GINS2: variants seen among roughly 807,000 people sequenced by gnomAD.
The protein encoded by GINS2 is DNA replication complex GINS protein PSF2.
A neutral mutation model predicts 21.2 loss-of-function variants in GINS2; 23 were observed. That is an observed-to-expected ratio of 1.08 (90% confidence interval 0.78 to 1.53). The LOEUF (loss-of-function observed/expected upper bound fraction) is 1.53. GINS2 is among the 40% of genes most tolerant of loss of function. The pLI is 0.00. For synonymous variants in GINS2, 118 were observed against 85.6 expected (o/e 1.38, Z -2.09); for missense variants, 323 against 233.9 (o/e 1.38, Z -2.49).
rs748666480 is a variant in GINS2, at chr16:85,678,650, G to A, written c.322C>T (p.Pro108Ser). The A allele has an allele frequency of 5.6e-6, 9 of 1,613,648 alleles. No homozygotes were observed. The South Asian group carries it at 7.7e-5, about 14-fold the overall frequency. The change falls in exon 4 of 5, where the codon CCG becomes TCG. Residue 108 changes from proline (P) to serine (S), a missense_variant. Pro to Ser is a moderately conservative substitution (Grantham distance 74). Transcript: ENST00000253462. ...LLLNHASDNIPKADEIRTLVK... is the reference protein window; with the variant it reads ...LLLNHASDNISKADEIRTLVK... ...AGGGTCCGGATTTCGTCTGCCTTCG[G>A]GATGTTGTCTGAAGCACTAAAGGAG...
intron 2 of GINS2, among the ~76,000 whole-genome samples, chr16:85,685,936 A>T (rs1045431056): frequency 3.3e-5 from 5 of 151,794 alleles, no homozygotes; most frequent in Non-Finnish European, 5.9e-5. Context: ...AAAAAAAAAA[A>T]TCACTCAGGG....
intron 4 of GINS2, 51 bp from the exon 5 acceptor site, chr16:85,678,388 A>G: frequency 1.9e-6 from 3 of 1,604,650 alleles, no homozygotes; most frequent in Non-Finnish European, 2.6e-6. Flanking sequence ...GATTTTGAGA[A>G]AAAGGTAAAC....
chr16:85,679,000 C>T (rs903838050), intron 3 of GINS2, among the ~76,000 whole-genome samples: 20 of 152,208 alleles, frequency 1.3e-4, no homozygotes, highest in African/African-American at 4.8e-4. Context: ...CCTCCATCTA[C>T]AAGGAATCAG....
intron 2 of GINS2, among the ~76,000 whole-genome samples, chr16:85,687,132 G>A (rs1419760691): frequency 2.0e-5 from 3 of 152,186 alleles, no homozygotes; most frequent in Non-Finnish European, 4.4e-5. Flanking sequence ...GAGGCAGGAG[G>A]ATCACTTGAA....
chr16:85,684,443 T>C (rs752585181), intron 2 of GINS2, among the ~76,000 whole-genome samples: 6 of 152,116 alleles, frequency 3.9e-5, no homozygotes, highest in East Asian at 1.9e-4. Flanking sequence ...TGCAATTCAC[T>C]ATGATCACAC....
At chr16:85,678,731 G>A in intron 3 of GINS2, 65 bp from the exon 4 acceptor site, 1 of 1,528,376 alleles carries the variant, frequency 6.5e-7, no homozygotes, top group Non-Finnish European at 8.9e-7. Flanking sequence ...GCTGGATAGA[G>A]TGGCTCTTTT....
intron 1 of GINS2, 27 bp downstream of exon 1, chr16:85,688,782 C>T: frequency 2.8e-6 from 4 of 1,430,266 alleles, no homozygotes; most frequent in Non-Finnish European, 2.8e-6. Context: ...CCCGGCCTCC[C>T]CTCCCCACGG....
chr16:85,686,508 C>T (rs576316126), intron 2 of GINS2, among the ~76,000 whole-genome samples: 1 of 152,154 alleles, frequency 6.6e-6, no homozygotes, highest in Non-Finnish European at 1.5e-5. Flanking sequence ...TATATTCAGA[C>T]TTGGGCAACC....
chr16:85,681,596 C>T lies in GINS2; in HGVS notation c.291G>A (p.Lys97=). 6.2e-7 allele frequency: 1 copy of T among 1,602,898 alleles called. No homozygotes were observed. The highest frequency in any genetic ancestry group is 1.7e-4 in the Middle Eastern group (1 of 6,026). The change falls in exon 3 of 5, where the codon AAG becomes AAA. Residue 97 remains lysine, a synonymous_variant. Coordinates refer to ENST00000253462, the MANE Select transcript of GINS2 (RefSeq NM_016095.3). Reference sequence around the variant, plus strand: ...GATCTACTTACTGATTTAACAGGAGCTTCGTAAGTTCCATGTAGTAAGGGC... The same window carrying T: ...GATCTACTTACTGATTTAACAGGAGTTTCGTAAGTTCCATGTAGTAAGGGC... ...MPSPYYMELT[K]LLLNHASDNI...
intron 4 of GINS2, 41 bp from the exon 5 acceptor site, chr16:85,678,378 G>C: frequency 6.2e-7 from 1 of 1,607,392 alleles, no homozygotes; most frequent in Non-Finnish European, 8.5e-7. Context: ...AGGAGTTTTT[G>C]ATTTTGAGAA....
Position 85,681,629 on chromosome 16 carries a change from TG to T in GINS2, c.257del (p.Pro86GlnfsTer15), listed in dbSNP as rs1567791365. On this transcript the variant is annotated frameshift_variant, in exon 3 of 5. Transcript: ENST00000253462. LOFTEE classifies it high-confidence loss of function. Reference protein sequence around the residue: ...DHERKEETFTPMPSPYYMELT... With the variant: ...DHERKEETFTXMPSPYYMELT... The stretch of plus-strand genomic sequence containing the variant: ...GTTCCATGTAGTAAGGGCTGGGCAT[TG>T]GGGTAAAAGTTTCTTCCTTTCGTTC... 1 of 1,613,266 alleles carries T rather than the reference TG, an allele frequency of 6.2e-7. No individual in the cohort carries two copies. The highest frequency in any genetic ancestry group is 8.5e-7 in the Non-Finnish European group (1 of 1,179,260).
rs193005211 is a variant in GINS2 at position 85,682,948 on chromosome 16, A to C, written c.206-1267T>G. Reference sequence around the variant, plus strand: ...TCTTCACTGCCGCCAGCACCGCCTCAACCCACCACCCACCTCTCACCTGAC... The same window carrying C: ...TCTTCACTGCCGCCAGCACCGCCTCCACCCACCACCCACCTCTCACCTGAC... On this transcript the variant is annotated intron_variant, in intron 2 of 4. Coordinates refer to ENST00000253462, the MANE Select transcript of GINS2 (RefSeq NM_016095.3). 2.1e-3 allele frequency among the ~76,000 whole-genome samples: 326 copies of C among 151,980 alleles called. 1 individual carries two copies. The highest frequency in any genetic ancestry group is 3.5e-3 in the Non-Finnish European group (237 of 67,956).
rs1157982004 is a variant in GINS2 at position 85,678,114 on chromosome 16, A to T, written c.*98T>A. On this transcript the variant is annotated 3_prime_UTR_variant, in exon 5 of 5. Transcript: ENST00000253462. Reference sequence around the variant, plus strand: ...TTCCTTGCACCATCACACATTTTTCATGCATCAGAAGTGTTTCTAGAGCTC... The same window carrying T: ...TTCCTTGCACCATCACACATTTTTCTTGCATCAGAAGTGTTTCTAGAGCTC... 2.0e-6 allele frequency: 2 copies of T among 1,006,478 alleles called. No homozygotes were observed. Among genetic ancestry groups the T allele is most frequent in the East Asian group, 2.4e-5 (1 of 41,002 alleles). The allele number at this position is 1,006,478 out of a possible 1,614,324, so 62.3% of individuals were successfully genotyped here.
In GINS2 at chr16:85,688,256, C is replaced by G. The variant is rs1030997339; in HGVS notation, c.90+553G>C. On this transcript the variant is annotated intron_variant, in intron 1 of 4. Coordinates refer to ENST00000253462, the MANE Select transcript of GINS2 (RefSeq NM_016095.3). ...AGTTCGAGGCCAGCCGCATCTCTAC[C>G]AAATAAATAAGCCGGGCGCAGTGGC... Among the ~76,000 whole-genome samples, 7 of 152,070 alleles carry G rather than the reference C, an allele frequency of 4.6e-5. No individual in the cohort carries two copies. The South Asian group carries it at 1.4e-3, about 31-fold the overall frequency.
rs558955565 is a variant in GINS2 at position 85,682,239 on chromosome 16, T to G, written c.206-558A>C. Among the ~76,000 whole-genome samples the G allele has an allele frequency of 3.4e-4, 51 of 152,210 alleles. No homozygotes were observed. In the South Asian group the frequency reaches 0.011, roughly 32 times the overall value. On this transcript the variant is annotated intron_variant, in intron 2 of 4. Transcript: ENST00000253462. ...TATGTTGCCCAGGCTGGTCTCAAAC[T>G]CCTGTGCTCAAGTGATCGCCCTGCC...
chr16:85,678,976 T>C (rs2053709883), intron 3 of GINS2, among the ~76,000 whole-genome samples: 2 of 152,180 alleles, frequency 1.3e-5, no homozygotes, highest in African/African-American at 4.8e-5. Flanking sequence ...ATAACAGCAT[T>C]CCGTGCTGCC....
intron 2 of GINS2, among the ~76,000 whole-genome samples, chr16:85,683,956 G>T (rs893640204): frequency 6.6e-6 from 1 of 152,180 alleles, no homozygotes; most frequent in Non-Finnish European, 1.5e-5. Flanking sequence ...TTATCCCTGA[G>T]ATCCAGCAAG....
At chr16:85,683,630 C>A (rs2053752030) in intron 2 of GINS2, among the ~76,000 whole-genome samples, 1 of 152,216 alleles carries the variant, frequency 6.6e-6, no homozygotes, top group African/African-American at 2.4e-5. Context: ...TCAGCCAATC[C>A]TGCTGCTGCT....
At chr16:85,684,169 C>G (rs985504660) in intron 2 of GINS2, among the ~76,000 whole-genome samples, 1 of 152,110 alleles carries the variant, frequency 6.6e-6, no homozygotes, top group Non-Finnish European at 1.5e-5. Flanking sequence ...AAAGTGAAAC[C>G]CTGTCTCTAT....
Sources: gnomAD v4.1 joint callset for allele counts (sites outside exome capture counted in the v4.1 genomes callset) on GRCh38, gnomAD v4.1.1 for gene constraint, MANE v1.5 for transcripts, NCBI Gene and HGNC (gene_info 2026-07-23, HGNC 2026-07-21) for gene names.